GCM2: variants seen among roughly 807,000 people sequenced by gnomAD.
The protein encoded by GCM2 is chorion-specific transcription factor GCMb.
Under a neutral mutation model 24.8 loss-of-function variants are expected in GCM2, and 21 were observed. That is an observed-to-expected ratio of 0.85 (90% CI 0.60 to 1.22). The LOEUF (loss-of-function observed/expected upper bound fraction) is 1.22. GCM2 is among the 50% of genes most tolerant of loss of function. The pLI, the probability that GCM2 is intolerant of heterozygous loss-of-function variation, is 0.00. For missense variants in GCM2, 532 were observed against 645.6 expected, an observed-to-expected ratio of 0.82 and a Z score of 1.91; for synonymous variants, 222 against 238.0, an observed-to-expected ratio of 0.93 and a Z score of 0.62.
chr6:10,874,944 G>C lies in GCM2; in HGVS notation c.583-11C>G. 2 of 1,568,268 alleles carry C rather than the reference G, an allele frequency of 1.3e-6. No individual in the cohort carries two copies. The highest frequency in any genetic ancestry group is 1.8e-6 in the Non-Finnish European group (2 of 1,138,384). On this transcript the variant is annotated splice_polypyrimidine_tract_variant and intron_variant, in intron 4 of 4. Transcript: ENST00000379491. ...TTGATTTTCTTCTGCCTAGAAAAAT[G>C]ATACAAACATAGACACACGCTATGT... is the stretch of plus-strand genomic sequence containing the variant.
chr6:10,876,584 T>A, intron 2 of GCM2, 27 bp from the exon 3 acceptor site: 1 of 1,407,148 alleles, frequency 7.1e-7, no homozygotes, highest in Non-Finnish European at 1.0e-6. Context: ...GGAGAAATAT[T>A]AACCCTGACC....
chr6:10,877,133 T>G lies in GCM2; in HGVS notation c.343+7A>C. 6.2e-7 allele frequency: 1 copy of G among 1,610,768 alleles called. No individual in the cohort carries two copies. Among genetic ancestry groups the G allele is most frequent in the Non-Finnish European group, 8.5e-7 (1 of 1,179,960 alleles). On this transcript the variant is annotated splice_region_variant and intron_variant, in intron 2 of 4. Transcript: ENST00000379491. The stretch of plus-strand genomic sequence containing the variant: ...AGGTCACCCTCTCCCTGGCCCCATG[T>G]CCTCACTCTGCTGTTTCAGCCGTGC...
chr6:10,878,930 C>T (rs1187865418), intron 1 of GCM2, among the ~76,000 whole-genome samples: 1 of 152,156 alleles, frequency 6.6e-6, no homozygotes, highest in African/African-American at 2.4e-5. Flanking sequence ...TGCATCTCCT[C>T]CCCACTCTTG....
Position 10,882,040 on chromosome 6 carries a change from T to G in GCM2, c.-247A>C, listed in dbSNP as rs1178131659. The G allele has an allele frequency of 4.5e-5, 24 of 537,524 alleles. No homozygotes were observed. The highest frequency in any genetic ancestry group is 2.0e-5 in the Non-Finnish European group (6 of 298,832). 33.3% of individuals were successfully genotyped at this position (537,524 alleles called of 1,614,324 possible). On this transcript the variant is annotated 5_prime_UTR_variant, in exon 1 of 5. It removes an upstream start codon present in the reference 5' UTR. Transcript: ENST00000379491. ...AACGTTCTCCACCCGAACGGCAGCA[T>G]CGACCTCTGGCAGCTGCCCCCTCCT...
At chr6:10,875,843 G>A in intron 4 of GCM2, 48 bp downstream of exon 4, 1 of 1,591,800 alleles carries the variant, frequency 6.3e-7, no homozygotes, top group Non-Finnish European at 8.6e-7. Flanking sequence ...AGCGTATCTT[G>A]GGATGAAAAT....
rs142084903 is a variant in GCM2 at position 10,874,216 on chromosome 6, C to A, written c.1300G>T (p.Val434Leu). The A allele has an allele frequency of 5.0e-6, 8 of 1,614,112 alleles. No individual in the cohort carries two copies. Among genetic ancestry groups the A allele is most frequent in the Non-Finnish European group, 6.8e-6 (8 of 1,180,000 alleles). The change falls in exon 5 of 5, where the codon GTG (valine) becomes TTG (leucine). Residue 434 changes from valine (V) to leucine (L), a missense_variant. Transcript: ENST00000379491. Reference sequence around the variant, plus strand: ...GGAGAGGCTGCCCTGGTGACTGTCACCGGAGGACCCCAGGGTTCTGGATAG... The same window carrying A: ...GGAGAGGCTGCCCTGGTGACTGTCAACGGAGGACCCCAGGGTTCTGGATAG... ...SVYPEPWGPPVTVTRAASPSG... is the reference protein window; with the variant it reads ...SVYPEPWGPPLTVTRAASPSG...
chr6:10,873,627 A>C lies in GCM2; in HGVS notation c.*368T>G, dbSNP rs1329532528. ...GCCTCTAGGGATGTGAAATTCCCTA[A>C]GGTGCTCTAATGGGAAAAGTCCTAG... On this transcript the variant is annotated 3_prime_UTR_variant, in exon 5 of 5. Transcript: ENST00000379491. 1 of 306,264 alleles carries C rather than the reference A, an allele frequency of 3.3e-6. No homozygotes were observed. Among genetic ancestry groups the C allele is most frequent in the Non-Finnish European group, 6.3e-6 (1 of 158,640 alleles). The allele number at this position is 306,264 out of a possible 1,614,324, so 19.0% of individuals were successfully genotyped here. A position where few individuals can be genotyped will look rare whatever the true frequency, so the allele number is the denominator to read the frequency against.
intron 3 of GCM2, 75 bp downstream of exon 3, chr6:10,876,370 G>T: frequency 2.0e-6 from 2 of 989,642 alleles, no homozygotes; most frequent in Non-Finnish European, 1.6e-6. Context: ...GGTTCCCAAG[G>T]CACACGACAG....
chr6:10,881,868 T>A lies in GCM2; in HGVS notation c.-75A>T, dbSNP rs963268860. The stretch of plus-strand genomic sequence containing the variant: ...AAAAAGGACAGGTGCGCCAGGTGGG[T>A]TTTTTTTCTTCTCTTTAAAGAAGAA... On this transcript the variant is annotated 5_prime_UTR_variant, in exon 1 of 5. Coordinates refer to ENST00000379491, the MANE Select transcript of GCM2 (RefSeq NM_004752.4). The A allele has an allele frequency of 1.1e-5, 13 of 1,138,280 alleles. No homozygotes were observed. The highest frequency in any genetic ancestry group is 1.3e-5 in the South Asian group (1 of 79,162). 70.5% of individuals were successfully genotyped at this position (1,138,280 alleles called of 1,614,324 possible).
intron 2 of GCM2, 73 bp from the exon 3 acceptor site, chr6:10,876,630 T>C (rs956124712): frequency 3.0e-5 from 33 of 1,082,986 alleles, no homozygotes; most frequent in Non-Finnish European, 4.4e-5. Flanking sequence ...GAAAATTAGC[T>C]GGGAACAAAG....
At position 10,876,027 on chromosome 6, in the gene GCM2, G is replaced by A. The variant is rs776426095; in HGVS notation, c.457-11C>T. 10 of 1,613,804 alleles carry A rather than the reference G, an allele frequency of 6.2e-6. No homozygotes were observed. The highest frequency in any genetic ancestry group is 1.7e-5 in the Admixed American group (1 of 60,020). On this transcript the variant is annotated splice_polypyrimidine_tract_variant and intron_variant, in intron 3 of 4. Transcript: ENST00000379491. ...ATGAACTCCCTTGGCCTGCGATAACGAGAAAATGAATCATACATTTGTGCC... is the reference window on the plus strand; with the variant it reads ...ATGAACTCCCTTGGCCTGCGATAACAAGAAAATGAATCATACATTTGTGCC...
chr6:10,876,993 G>A (rs1378654036), intron 2 of GCM2, 147 bp downstream of exon 2: 6 of 1,061,340 alleles, frequency 5.7e-6, no homozygotes, highest in African/African-American at 3.1e-5. Context: ...AACCCGGGAG[G>A]CGGAGGTTGC....
In GCM2 at chr6:10,873,995, T is replaced by G. The variant is rs200132497; in HGVS notation, c.1521A>C (p.Ter507CysextTer7). Residue 507 changes from the stop codon to cysteine (C), a stop_lost, in exon 5 of 5, where the codon TGA becomes TGC. Coordinates refer to ENST00000379491, the MANE Select transcript of GCM2 (RefSeq NM_004752.4). Reference sequence around the variant, plus strand: ...GCTATTATGTCCCCTGGATTGTCTTTCAAAAATCCTCATTGTTGTAGGTAA... The same window carrying G: ...GCTATTATGTCCCCTGGATTGTCTTGCAAAAATCCTCATTGTTGTAGGTAA... The part of the protein sequence containing the change: ...PFFTYNNEDF[*>C] 2 of 1,612,010 alleles carry G rather than the reference T, an allele frequency of 1.2e-6. No individual in the cohort carries two copies. Among genetic ancestry groups the G allele is most frequent in the Non-Finnish European group, 1.7e-6 (2 of 1,178,090 alleles).
intron 2 of GCM2, 22 bp from the exon 3 acceptor site, chr6:10,876,579 A>T: frequency 6.9e-7 from 1 of 1,450,160 alleles, no homozygotes; most frequent in Non-Finnish European, 9.7e-7. Flanking sequence ...AGAAGGGAGA[A>T]ATATTAACCC....
At chr6:10,881,638 G>A (rs1779960636) in intron 1 of GCM2, 66 bp downstream of exon 1, 1 of 992,466 alleles carries the variant, frequency 1.0e-6, no homozygotes, top group African/African-American at 1.6e-5. Context: ...TCAAGAACTC[G>A]AATGCCATTC....
intron 1 of GCM2, among the ~76,000 whole-genome samples, chr6:10,881,093 C>A (rs1008441660): frequency 6.6e-6 from 1 of 152,244 alleles, no homozygotes; most frequent in African/African-American, 2.4e-5. Context: ...ACATTTCCTG[C>A]TGCTTTGCTT....
intron 4 of GCM2, 123 bp from the exon 5 acceptor site, chr6:10,875,056 T>C (rs1377951108): frequency 2.6e-6 from 2 of 769,150 alleles, no homozygotes; most frequent in Non-Finnish European, 4.6e-6. Context: ...GTTGTGAACA[T>C]GGCACTGCTC....
chr6:10,875,169 G>T (rs1779859730), intron 4 of GCM2, among the ~76,000 whole-genome samples: 1 of 152,160 alleles, frequency 6.6e-6, no homozygotes, highest in South Asian at 2.1e-4. Context: ...AGCCAGGTAG[G>T]ATGCTTCTGA....
chr6:10,879,753 A>T (rs997409050), intron 1 of GCM2, among the ~76,000 whole-genome samples: 2 of 152,222 alleles, frequency 1.3e-5, no homozygotes, highest in Non-Finnish European at 2.9e-5. Flanking sequence ...GTCTCCTAAA[A>T]AAAAGTTCAT....
Sources: allele counts gnomAD v4.1 joint callset (sites outside exome capture counted in the v4.1 genomes callset), GRCh38; gene constraint gnomAD v4.1.1; transcripts MANE v1.5; gene names NCBI Gene and HGNC (gene_info 2026-07-23, HGNC 2026-07-21).